PRKAR1A: variants seen among roughly 807,000 people sequenced by gnomAD.
PRKAR1A encodes cAMP-dependent protein kinase type I-alpha regulatory subunit.
In PRKAR1A, 3 loss-of-function variants were observed where a neutral mutation model predicts 52.0. That is an observed-to-expected ratio of 0.06 (90% CI 0.03 to 0.15). The LOEUF is 0.15. Ranked by LOEUF, PRKAR1A falls within the 10% of genes least tolerant of loss-of-function variation. The pLI is 1.00. For missense variants in PRKAR1A, 240 were observed against 477.4 expected, an observed-to-expected ratio of 0.50 and a Z score of 4.63; for synonymous variants, 188 against 168.4, an observed-to-expected ratio of 1.12 and a Z score of -0.90.
At chr17:68,518,499 CT>C (rs938777788) in intron 2 of PRKAR1A, among the ~76,000 whole-genome samples, 1 of 152,262 alleles carries the variant, frequency 6.6e-6, no homozygotes, top group Non-Finnish European at 1.5e-5. Flanking sequence ...CTTGCACTCT[CT>C]GAAGTAATGG....
At chr17:68,445,691 T>G in the PRKAR1A span, among the ~76,000 whole-genome samples, 3 of 152,194 alleles carry the variant, frequency 2.0e-5, no homozygotes, top group Non-Finnish European at 2.9e-5. Flanking sequence ...ACAGGGTTGA[T>G]GTATCGGGTG....
the PRKAR1A span, among the ~76,000 whole-genome samples, chr17:68,433,074 A>G: frequency 1.3e-5 from 2 of 152,246 alleles, no homozygotes; most frequent in Non-Finnish European, 2.9e-5. Flanking sequence ...ATATTGTTAT[A>G]TTTACAGCTA....
the PRKAR1A span, among the ~76,000 whole-genome samples, chr17:68,493,307 G>C: frequency 1.3e-5 from 2 of 152,126 alleles, no homozygotes; most frequent in Non-Finnish European, 2.9e-5. Context: ...GAAGGGAAAA[G>C]AAAGCTTTAG....
At chr17:68,482,175 T>C in the PRKAR1A span, among the ~76,000 whole-genome samples, 15,529 of 152,256 alleles carry the variant, frequency 0.1, 1,104 homozygotes, top group Non-Finnish European at 0.16. Context: ...GTGAGTAGGA[T>C]GAAGCGACAG....
the PRKAR1A span, among the ~76,000 whole-genome samples, chr17:68,419,357 GAGACCAGCCTGGCCAAC>G: frequency 5.9e-5 from 9 of 152,030 alleles, no homozygotes; most frequent in East Asian, 1.9e-4. Flanking sequence ...TTAGGAGTTC[GAGACCAGCCTGGCCAAC>G]AGACCAGCCT....
chr17:68,475,380 G>A, the PRKAR1A span, among the ~76,000 whole-genome samples: 11 of 152,182 alleles, frequency 7.2e-5, no homozygotes, highest in Non-Finnish European at 1.5e-4. Context: ...AAGAAAGCAA[G>A]CAACAGCAGG....
At chr17:68,461,391 T>A in the PRKAR1A span, among the ~76,000 whole-genome samples, 1 of 152,084 alleles carries the variant, frequency 6.6e-6, no homozygotes, top group East Asian at 1.9e-4. The surrounding 1 kb of genome is among the most constrained non-coding windows in gnomAD (Gnocchi z 4.6). Flanking sequence ...AACAATCAGG[T>A]TGTAATTTTA....
chr17:68,511,599 A>G (rs1178514407), upstream of PRKAR1A, among the ~76,000 whole-genome samples: 1 of 152,196 alleles, frequency 6.6e-6, no homozygotes, highest in Admixed American at 6.5e-5. Context: ...GGACCCTGAC[A>G]AAGTCCTTTC....
chr17:68,489,129 C>T, the PRKAR1A span, among the ~76,000 whole-genome samples: 117 of 136,852 alleles, frequency 8.5e-4, 1 homozygote, highest in African/African-American at 3.0e-3. Context: ...AGGTAGCTTT[C>T]CTAGGAGAAA....
At chr17:68,528,702 A>T (rs2085869427) in intron 8 of PRKAR1A, 168 bp from the exon 9 acceptor site, 4 of 863,606 alleles carry the variant, frequency 4.6e-6, no homozygotes, top group Non-Finnish European at 7.3e-6. Flanking sequence ...CAGTATGAGA[A>T]TCCTGCTCAG....
At chr17:68,538,435 CAAATG>C (rs1251091385) in intron 11 of PRKAR1A, among the ~76,000 whole-genome samples, 1 of 152,232 alleles carries the variant, frequency 6.6e-6, no homozygotes, top group Non-Finnish European at 1.5e-5. Flanking sequence ...CAGCTGGAAA[CAAATG>C]AGATGTTTTT....
chr17:68,437,948 T>TAAAAAAAA, the PRKAR1A span, among the ~76,000 whole-genome samples: 21 of 78,800 alleles, frequency 2.7e-4, no homozygotes, highest in Admixed American at 8.9e-4. Flanking sequence ...ACATCTCTCT[T>TAAAAAAAA]AAAAAAAAAA....
chr17:68,498,717 G>A, the PRKAR1A span, among the ~76,000 whole-genome samples: 1 of 152,224 alleles, frequency 6.6e-6, no homozygotes, highest in Non-Finnish European at 1.5e-5. Context: ...GCCACTGCCC[G>A]CTTGCTTCCT....
the PRKAR1A span, among the ~76,000 whole-genome samples, chr17:68,502,607 C>G: frequency 6.6e-6 from 1 of 151,864 alleles, no homozygotes; most frequent in African/African-American, 2.4e-5. Flanking sequence ...CAAAAATTAG[C>G]CAAGGTTGGT....
At chr17:68,433,760 G>GTTTTTTTTTTTTTTTTTT in the PRKAR1A span, among the ~76,000 whole-genome samples, 1 of 72,818 alleles carries the variant, frequency 1.4e-5, no homozygotes, top group African/African-American at 6.6e-5. Context: ...AAGGGTCATA[G>GTTTTTTTTTTTTTTTTTT]TTTTTTTTTT....
chr17:68,454,514 A>C, the PRKAR1A span, among the ~76,000 whole-genome samples: 1 of 152,198 alleles, frequency 6.6e-6, no homozygotes, highest in Non-Finnish European at 1.5e-5. Context: ...GACGTCTCGC[A>C]GCCCTCCAAC....
chr17:68,541,923 C>A (rs2086314948), intron 11 of PRKAR1A: 2 of 1,546,130 alleles, frequency 1.3e-6, no homozygotes, highest in Admixed American at 3.8e-5. Context: ...GCAACAAGTC[C>A]CTGGTACAGG....
rs140547791 is a variant in PRKAR1A, at chr17:68,514,376, C to G, written c.-6-1018C>G. On this transcript the variant is annotated intron_variant, in intron 1 of 10. Transcript: ENST00000589228. Reference sequence around the variant, plus strand: ...GTTGCTGAGTGGAGGGGACCACACTCTTGTCTTCTACTCTTAAGTGCTTAG... The same window carrying G: ...GTTGCTGAGTGGAGGGGACCACACTGTTGTCTTCTACTCTTAAGTGCTTAG... Among the ~76,000 whole-genome samples the G allele has an allele frequency of 2.0e-4, 30 of 152,318 alleles. No individual in the cohort carries two copies. In the East Asian group the frequency reaches 4.6e-3, roughly 23 times the overall value.
At chr17:68,470,092 T>G in the PRKAR1A span, among the ~76,000 whole-genome samples, 10 of 152,004 alleles carry the variant, frequency 6.6e-5, no homozygotes, top group African/African-American at 2.4e-4. Flanking sequence ...AGATTTTTTT[T>G]TTTTTTTTGA....
Sources: allele counts gnomAD v4.1 joint callset (sites outside exome capture counted in the v4.1 genomes callset), GRCh38; gene constraint gnomAD v4.1.1; non-coding constraint Gnocchi (gnomAD v3.1); transcripts MANE v1.5; gene names NCBI Gene and HGNC (gene_info 2026-07-23, HGNC 2026-07-21).